VEPH1: variants seen among roughly 807,000 people sequenced by gnomAD.
VEPH1 encodes ventricular zone expressed PH domain containing 1, also known as ventricular zone-expressed PH domain-containing protein homolog 1.
VEPH1 carries 80 observed loss-of-function variants against 85.2 expected under a neutral mutation model. The ratio of observed to expected loss-of-function variants is 0.94; its 90% CI spans 0.78 to 1.13. The LOEUF is 1.13. Among genes scored for constraint, VEPH1 ranks in the 50% most tolerant of loss-of-function variants. The pLI is 0.00. For synonymous variants in VEPH1, 297 were observed against 348.0 expected, an observed-to-expected ratio of 0.85 and a Z score of 1.63; for missense variants, 955 against 980.5, an observed-to-expected ratio of 0.97 and a Z score of 0.35.
chr3:157,408,249 C>G (rs922243548), intron 6 of VEPH1, among the ~76,000 whole-genome samples: 1 of 152,140 alleles, frequency 6.6e-6, no homozygotes, highest in Non-Finnish European at 1.5e-5. Context: ...TGGCTCATCA[C>G]ATGTTTGTTG....
intron 2 of VEPH1, among the ~76,000 whole-genome samples, chr3:157,492,437 C>G (rs1739301774): frequency 6.6e-6 from 1 of 152,112 alleles, no homozygotes; most frequent in African/African-American, 2.4e-5. Context: ...TTTTCCAGAT[C>G]TGACAGTTGA....
intron 4 of VEPH1, among the ~76,000 whole-genome samples, chr3:157,446,212 G>A (rs1374426331): frequency 8.0e-4 from 121 of 151,874 alleles, no homozygotes; most frequent in African/African-American, 2.8e-3. Context: ...AATATTATTT[G>A]TGTGTGTAGA....
At chr3:157,286,794 C>T in intron 11 of VEPH1, 120 bp from the exon 12 acceptor site, 1 of 785,152 alleles carries the variant, frequency 1.3e-6, no homozygotes, top group Non-Finnish European at 2.1e-6. Flanking sequence ...GTACTAAAGA[C>T]TAAGAGGCAG....
chr3:157,280,064 AT>A (rs1180157907), intron 12 of VEPH1, among the ~76,000 whole-genome samples: 1 of 151,862 alleles, frequency 6.6e-6, no homozygotes, highest in South Asian at 2.1e-4. Context: ...TTTCTTTTAA[AT>A]AGGTGTATTT....
At chr3:157,449,006 C>T (rs1404981388) in intron 4 of VEPH1, among the ~76,000 whole-genome samples, 3 of 152,246 alleles carry the variant, frequency 2.0e-5, no homozygotes, top group South Asian at 2.1e-4. Flanking sequence ...ACTCTCTTGC[C>T]ACCACCATGT....
At chr3:157,432,359 T>A (rs921110799) in intron 4 of VEPH1, among the ~76,000 whole-genome samples, 6 of 152,084 alleles carry the variant, frequency 3.9e-5, no homozygotes, top group African/African-American at 1.4e-4. Context: ...ATGGTTTAGG[T>A]TTTTTTGTTA....
At chr3:157,352,025 G>A (rs1321479887) in intron 9 of VEPH1, among the ~76,000 whole-genome samples, 1 of 152,144 alleles carries the variant, frequency 6.6e-6, no homozygotes, top group African/African-American at 2.4e-5. Context: ...TTGTATGTTT[G>A]TTGCATAATA....
chr3:157,450,797 G>A (rs16827662), intron 4 of VEPH1, among the ~76,000 whole-genome samples: 30,844 of 151,840 alleles, frequency 0.2, 4,606 homozygotes, highest in African/African-American at 0.41. Flanking sequence ...TGCATTTGTG[G>A]GAGAAACTCA....
At chr3:157,267,286 AG>A (rs1713828153) in intron 12 of VEPH1, among the ~76,000 whole-genome samples, 1 of 150,864 alleles carries the variant, frequency 6.6e-6, no homozygotes, top group Admixed American at 6.6e-5. Context: ...TAGTAGAGAC[AG>A]GGTTTTGCCA....
rs759525316 is a variant in VEPH1, at chr3:157,442,894, C to A, written c.530-14406G>T. The A allele has an allele frequency of 4.3e-6, 7 of 1,614,030 alleles. No homozygotes were observed. The South Asian group carries it at 6.6e-5, about 15-fold the overall frequency. ...GAAGAGATAAGAGAGACCGGAGGAG[C>A]AGAGTCTTGTCACATCCGGGGGAAT... On this transcript the variant is annotated intron_variant, in intron 4 of 13. Coordinates refer to ENST00000362010, the MANE Select transcript of VEPH1 (RefSeq NM_001167912.2).
At chr3:157,466,575 C>T (rs1736396968) in intron 3 of VEPH1, among the ~76,000 whole-genome samples, 1 of 152,032 alleles carries the variant, frequency 6.6e-6, no homozygotes, top group African/African-American at 2.4e-5. Flanking sequence ...CATAATAGTC[C>T]CGAGCAGGAG....
chr3:157,432,995 A>G (rs1466237028), intron 4 of VEPH1, among the ~76,000 whole-genome samples: 1 of 152,180 alleles, frequency 6.6e-6, no homozygotes, highest in Admixed American at 6.5e-5. Context: ...TTGCTACTGT[A>G]AATGAAAACT....
chr3:157,464,506 G>A (rs916524754), intron 3 of VEPH1, among the ~76,000 whole-genome samples: 2 of 152,164 alleles, frequency 1.3e-5, no homozygotes, highest in African/African-American at 4.8e-5. Context: ...TGAGCATGTT[G>A]GATGAATATC....
At chr3:157,375,388 A>C (rs1396398706) in intron 7 of VEPH1, among the ~76,000 whole-genome samples, 1 of 152,190 alleles carries the variant, frequency 6.6e-6, no homozygotes, top group African/African-American at 2.4e-5. Context: ...CAGTAGAGTT[A>C]GGTTCTGATG....
chr3:157,300,671 A>T (rs997707986), intron 11 of VEPH1, among the ~76,000 whole-genome samples: 3 of 152,262 alleles, frequency 2.0e-5, no homozygotes, highest in Non-Finnish European at 2.9e-5. Context: ...AGTAAAAAAC[A>T]ACAGACAAGT....
At chr3:157,400,925 T>C (rs997817765) in intron 6 of VEPH1, among the ~76,000 whole-genome samples, 2 of 152,150 alleles carry the variant, frequency 1.3e-5, no homozygotes, top group African/African-American at 4.8e-5. Flanking sequence ...GGACCCAGAA[T>C]GAATTATACT....
intron 4 of VEPH1, among the ~76,000 whole-genome samples, chr3:157,458,266 G>T (rs1382813879): frequency 6.6e-6 from 1 of 151,970 alleles, no homozygotes; most frequent in African/African-American, 2.4e-5. Flanking sequence ...TTCTTTATTA[G>T]TCTAGCTAGC....
chr3:157,369,135 A>AAAAAC lies in VEPH1; in HGVS notation c.1128-4628_1128-4624dup, dbSNP rs1209724161. 1.1e-4 allele frequency among the ~76,000 whole-genome samples: 16 copies of AAAAAC among 149,932 alleles called. 1 individual carries two copies. The highest frequency in any genetic ancestry group is 3.2e-4 in the African/African-American group (13 of 40,858). On this transcript the variant is annotated intron_variant, in intron 7 of 13. Coordinates refer to ENST00000362010, the MANE Select transcript of VEPH1 (RefSeq NM_001167912.2). ...ACAACAACAACCACCACAAAACACA[A>AAAAAC]AAAACAAAACAAACAAATAACAACA...
At chr3:157,325,472 G>A (rs1559960467) in intron 9 of VEPH1, among the ~76,000 whole-genome samples, 1 of 151,982 alleles carries the variant, frequency 6.6e-6, no homozygotes. Flanking sequence ...GATAGTTTTG[G>A]GTTTTTCATT....
Sources: allele counts gnomAD v4.1 joint callset (sites outside exome capture counted in the v4.1 genomes callset), GRCh38; gene constraint gnomAD v4.1.1; transcripts MANE v1.5; gene names NCBI Gene and HGNC (gene_info 2026-07-23, HGNC 2026-07-21).